Variants in EXOC4 observed in about 807,000 individuals in gnomAD.
EXOC4 encodes SEC8-like 1.
A neutral mutation model predicts 107.2 loss-of-function variants in EXOC4; 71 were observed. That is an observed-to-expected ratio of 0.66 (90% CI 0.55 to 0.81). The LOEUF (loss-of-function observed/expected upper bound fraction) is 0.81, where lower values mean the gene tolerates loss of function less well. EXOC4 is among the 30% of genes least tolerant of loss of function. The pLI, the probability that EXOC4 is intolerant of heterozygous loss-of-function variation, is 0.00. For missense variants in EXOC4, 1,108 were observed against 1,189.6 expected (o/e 0.93, Z 1.01); for synonymous variants, 456 against 441.2 (o/e 1.03, Z -0.42).
At chr7:133,353,767 T>C (rs1418304101) in intron 5 of EXOC4, among the ~76,000 whole-genome samples, 1 of 152,074 alleles carries the variant, frequency 6.6e-6, no homozygotes, top group Non-Finnish European at 1.5e-5. Flanking sequence ...GCTCCCACAA[T>C]GTCTAAATTG....
chr7:133,913,053 G>C (rs1271161363), intron 12 of EXOC4, among the ~76,000 whole-genome samples: 3 of 152,130 alleles, frequency 2.0e-5, no homozygotes. Flanking sequence ...TGCTTGACAA[G>C]TAGAGGCAAA....
intron 9 of EXOC4, among the ~76,000 whole-genome samples, chr7:133,525,196 A>G (rs887174860): frequency 9.2e-5 from 14 of 152,078 alleles, no homozygotes; most frequent in Non-Finnish European, 1.9e-4. Flanking sequence ...GTGACTCCTG[A>G]TATTGTGTTT....
At chr7:133,624,213 A>G (rs1033114477) in intron 9 of EXOC4, among the ~76,000 whole-genome samples, 1 of 152,208 alleles carries the variant, frequency 6.6e-6, no homozygotes, top group Non-Finnish European at 1.5e-5. Context: ...TCAAAAAGTC[A>G]TGATCATTTT....
intron 9 of EXOC4, among the ~76,000 whole-genome samples, chr7:133,503,034 A>G (rs1043284802): frequency 1.3e-5 from 2 of 152,190 alleles, no homozygotes; most frequent in African/African-American, 2.4e-5. Context: ...GACTAGTACA[A>G]TCTAAATATT....
intron 12 of EXOC4, 83 bp downstream of exon 12, chr7:133,895,818 AT>A (rs1799294643): frequency 6.9e-7 from 1 of 1,447,982 alleles, no homozygotes; most frequent in Admixed American, 1.8e-5. Flanking sequence ...CAATAGCCTA[AT>A]TTCCAAAAGG....
chr7:133,771,555 C>A (rs1464565070), intron 10 of EXOC4: 2 of 151,802 alleles, frequency 1.3e-5, no homozygotes, highest in Non-Finnish European at 2.9e-5. Context: ...ATTCTTTGTT[C>A]TAATTAATAG....
chr7:133,505,452 A>G (rs893448692), intron 9 of EXOC4, among the ~76,000 whole-genome samples: 57 of 152,204 alleles, frequency 3.7e-4, no homozygotes, highest in African/African-American at 1.3e-3. Context: ...CTCTATGAAA[A>G]TGGTCAGTGA....
chr7:133,644,316 C>T (rs1489055835), intron 10 of EXOC4, among the ~76,000 whole-genome samples: 8 of 152,238 alleles, frequency 5.3e-5, no homozygotes, highest in African/African-American at 9.6e-5. Flanking sequence ...GCCTACTTTG[C>T]GTTTGATGGT....
At chr7:133,278,457 G>T (rs1188097108) in intron 2 of EXOC4, among the ~76,000 whole-genome samples, 1 of 152,064 alleles carries the variant, frequency 6.6e-6, no homozygotes, top group African/African-American at 2.4e-5. Context: ...GTTTTAGCTG[G>T]GTTGGCCAGA....
At chr7:133,591,260 G>A (rs543322022) in intron 9 of EXOC4, among the ~76,000 whole-genome samples, 2 of 152,248 alleles carry the variant, frequency 1.3e-5, no homozygotes, top group South Asian at 4.2e-4. Context: ...TCAAACTCCT[G>A]GACTCAAACT....
At chr7:133,968,636 T>A (rs535113981) in intron 14 of EXOC4, among the ~76,000 whole-genome samples, 1 of 151,706 alleles carries the variant, frequency 6.6e-6, no homozygotes, top group African/African-American at 2.4e-5. Context: ...TGGGTTGAAT[T>A]TTTTTTTTCT....
chr7:133,677,932 A>G (rs1267256632), intron 10 of EXOC4, among the ~76,000 whole-genome samples: 2 of 152,208 alleles, frequency 1.3e-5, no homozygotes, highest in Non-Finnish European at 2.9e-5. Context: ...AATGTGTTCA[A>G]CAGTGTACTG....
intron 10 of EXOC4, among the ~76,000 whole-genome samples, chr7:133,714,008 G>A (rs1029782207): frequency 3.3e-5 from 5 of 152,076 alleles, no homozygotes; most frequent in South Asian, 2.1e-4. Context: ...GAAATATGGC[G>A]GGGAATTTGG....
At chr7:133,424,895 C>G (rs1251454044) in intron 7 of EXOC4, among the ~76,000 whole-genome samples, 1 of 152,178 alleles carries the variant, frequency 6.6e-6, no homozygotes, top group Non-Finnish European at 1.5e-5. Context: ...TCTCTGGAGG[C>G]AAAGCCTGTA....
chr7:133,944,273 G>A (rs925025005), intron 14 of EXOC4, among the ~76,000 whole-genome samples: 7 of 152,076 alleles, frequency 4.6e-5, no homozygotes, highest in Non-Finnish European at 7.4e-5. Flanking sequence ...ATATCACATA[G>A]TGATGTCTCC....
At chr7:134,061,954 G>T (rs112534655) in intron 17 of EXOC4, among the ~76,000 whole-genome samples, 505 of 152,264 alleles carry the variant, frequency 3.3e-3, no homozygotes, top group East Asian at 0.028. Context: ...AACTTCAAAA[G>T]ATTTACTGAT....
chr7:133,347,526 G>C (rs899066358), intron 5 of EXOC4, among the ~76,000 whole-genome samples: 50 of 152,202 alleles, frequency 3.3e-4, no homozygotes, highest in African/African-American at 1.2e-3. Context: ...ACAGGCGTGA[G>C]CCACCACACC....
At chr7:133,361,482 G>A (rs1034592256) in intron 6 of EXOC4, among the ~76,000 whole-genome samples, 5 of 151,990 alleles carry the variant, frequency 3.3e-5, no homozygotes, top group African/African-American at 1.2e-4. Context: ...GGGTTTCACC[G>A]TGTTAGCCAG....
At chr7:133,937,824 A>G (rs1800338664) in intron 13 of EXOC4, 67 bp from the exon 14 acceptor site, 2 of 1,512,202 alleles carry the variant, frequency 1.3e-6, no homozygotes, top group South Asian at 1.2e-5. Flanking sequence ...TGTGCCTAAA[A>G]CAGTGTTGCC....
Sources: allele counts gnomAD v4.1 joint callset (sites outside exome capture counted in the v4.1 genomes callset), GRCh38; gene constraint gnomAD v4.1.1; transcripts MANE v1.5; gene names NCBI Gene and HGNC (gene_info 2026-07-23, HGNC 2026-07-21).